Variants in SNTG1 observed in about 807,000 individuals in gnomAD.
The protein encoded by SNTG1 is gamma-1-syntrophin.
A neutral mutation model predicts 74.7 loss-of-function variants in SNTG1; 39 were observed. The observed-to-expected ratio is 0.52, with a 90% CI of 0.40 to 0.68. The LOEUF is 0.68. SNTG1 is among the 30% of genes least tolerant of loss of function. SNTG1 has a pLI of 0.00. For missense variants in SNTG1, 685 were observed against 609.5 expected (o/e 1.12, Z -1.30); for synonymous variants, 254 against 217.1 (o/e 1.17, Z -1.49).
At chr8:49,954,785 C>T (rs1211010561) in intron 1 of SNTG1, among the ~76,000 whole-genome samples, 1 of 151,942 alleles carries the variant, frequency 6.6e-6, no homozygotes, top group African/African-American at 2.4e-5. Context: ...ACTTATTGTT[C>T]TGCAATATTA....
At chr8:50,502,269 G>A (rs2625735) in intron 8 of SNTG1, among the ~76,000 whole-genome samples, 1 of 151,988 alleles carries the variant, frequency 6.6e-6, no homozygotes, top group African/African-American at 2.4e-5. Flanking sequence ...GGGTCAATTT[G>A]CTTTAATCTG....
intron 2 of SNTG1, among the ~76,000 whole-genome samples, chr8:50,371,705 G>C (rs1233110405): frequency 6.6e-6 from 1 of 151,904 alleles, no homozygotes; most frequent in Non-Finnish European, 1.5e-5. Flanking sequence ...TCATATATTT[G>C]AGTGCTCTAA....
chr8:50,459,573 A>G (rs1412693809), intron 8 of SNTG1, among the ~76,000 whole-genome samples: 1 of 151,822 alleles, frequency 6.6e-6, no homozygotes, highest in African/African-American at 2.4e-5. Context: ...CAGGTTTTTT[A>G]CCTGGGTATA....
chr8:50,782,084 G>T (rs572082040), intron 18 of SNTG1, among the ~76,000 whole-genome samples: 1 of 152,208 alleles, frequency 6.6e-6, no homozygotes, highest in African/African-American at 2.4e-5. Context: ...ACTGTTAGTC[G>T]GATGGGCTTC....
intron 15 of SNTG1, among the ~76,000 whole-genome samples, chr8:50,693,817 T>C (rs545443819): frequency 7.6e-4 from 116 of 152,280 alleles, no homozygotes; most frequent in African/African-American, 2.7e-3. Flanking sequence ...ATTTTATAAA[T>C]TCACAAATAT....
intron 1 of SNTG1, among the ~76,000 whole-genome samples, chr8:50,022,617 G>T (rs1051380717): frequency 6.6e-6 from 1 of 152,206 alleles, no homozygotes; most frequent in Non-Finnish European, 1.5e-5. Context: ...ATTTAATTAA[G>T]TGGAATACAG....
intron 2 of SNTG1, among the ~76,000 whole-genome samples, chr8:50,270,700 C>A (rs1451261974): frequency 1.3e-5 from 2 of 152,232 alleles, no homozygotes; most frequent in African/African-American, 2.4e-5. Context: ...AATAACAGAT[C>A]AACATGTATT....
intron 2 of SNTG1, among the ~76,000 whole-genome samples, chr8:50,344,665 T>G (rs1004975418): frequency 1.3e-5 from 2 of 152,196 alleles, no homozygotes; most frequent in African/African-American, 4.8e-5. Flanking sequence ...TTTCATCTCA[T>G]TATTGCTCAA....
At chr8:50,217,932 A>G (rs151022308) in intron 2 of SNTG1, among the ~76,000 whole-genome samples, 1 of 152,294 alleles carries the variant, frequency 6.6e-6, no homozygotes, top group African/African-American at 2.4e-5. Context: ...GCTCAGTTCA[A>G]AGACTTTCAT....
chr8:50,068,548 A>C (rs1821090914), intron 1 of SNTG1, among the ~76,000 whole-genome samples: 1 of 152,192 alleles, frequency 6.6e-6, no homozygotes, highest in Non-Finnish European at 1.5e-5. Flanking sequence ...CAGCCAGGAC[A>C]GTTCCTAGAC....
rs2095497380 is a variant in SNTG1, at chr8:50,725,307, A to G, written c.1284+16329A>G. 2.0e-5 allele frequency among the ~76,000 whole-genome samples: 3 copies of G among 152,294 alleles called. No homozygotes were observed. In the South Asian group the frequency reaches 6.2e-4, roughly 32 times the overall value. On this transcript the variant is annotated intron_variant, in intron 17 of 18. Coordinates refer to ENST00000642720, the MANE Select transcript of SNTG1 (RefSeq NM_018967.5). Reference sequence around the variant, plus strand: ...GTGAACATTAAACAACATTTTGTGCAATTGCATACTTCTTATCAACTTTAT... The same window carrying G: ...GTGAACATTAAACAACATTTTGTGCGATTGCATACTTCTTATCAACTTTAT...
intron 2 of SNTG1, among the ~76,000 whole-genome samples, chr8:50,360,702 T>C (rs991044682): frequency 6.6e-6 from 1 of 152,186 alleles, no homozygotes; most frequent in Non-Finnish European, 1.5e-5. Flanking sequence ...AACAGCACAG[T>C]ATTTATATCT....
chr8:50,076,488 C>T (rs887612382), intron 1 of SNTG1, among the ~76,000 whole-genome samples: 1 of 151,934 alleles, frequency 6.6e-6, no homozygotes, highest in Non-Finnish European at 1.5e-5. Flanking sequence ...AAAATATGAC[C>T]ACAAAATTAT....
intron 2 of SNTG1, among the ~76,000 whole-genome samples, chr8:50,303,776 C>T (rs2089756618): frequency 2.0e-5 from 3 of 152,036 alleles, no homozygotes; most frequent in Non-Finnish European, 4.4e-5. Context: ...CCTAGAACAT[C>T]CTCTTCTGTG....
At chr8:50,009,451 T>C (rs1463974225) in intron 1 of SNTG1, among the ~76,000 whole-genome samples, 2 of 152,152 alleles carry the variant, frequency 1.3e-5, no homozygotes, top group Admixed American at 6.6e-5. Context: ...TGTAAATGTA[T>C]CCTAAAGGAA....
intron 2 of SNTG1, among the ~76,000 whole-genome samples, chr8:50,297,772 G>A (rs1204666102): frequency 2.6e-5 from 4 of 152,040 alleles, no homozygotes; most frequent in African/African-American, 9.7e-5. Flanking sequence ...TGTAGTTACT[G>A]CAGGTATCTG....
At chr8:50,054,727 A>G (rs1202259003) in intron 1 of SNTG1, among the ~76,000 whole-genome samples, 1 of 152,120 alleles carries the variant, frequency 6.6e-6, no homozygotes, top group African/African-American at 2.4e-5. Context: ...GCTAGAGTGC[A>G]GTGGTGCAAT....
At chr8:50,621,058 G>A (rs1192998683) in intron 13 of SNTG1, among the ~76,000 whole-genome samples, 1 of 85,878 alleles carries the variant, frequency 1.2e-5, no homozygotes, top group Non-Finnish European at 2.1e-5. Context: ...ACCATAAAGA[G>A]ATAACTTTTT....
intron 15 of SNTG1, among the ~76,000 whole-genome samples, chr8:50,676,409 G>A (rs768488329): frequency 6.6e-6 from 1 of 151,882 alleles, no homozygotes; most frequent in Non-Finnish European, 1.5e-5. Flanking sequence ...CCATTTGGTT[G>A]ACTTGGCTAT....
Sources: gnomAD v4.1 joint callset for allele counts (sites outside exome capture counted in the v4.1 genomes callset) on GRCh38, gnomAD v4.1.1 for gene constraint, MANE v1.5 for transcripts, NCBI Gene and HGNC (gene_info 2026-07-23, HGNC 2026-07-21) for gene names.